Variants in MACF1 observed in about 807,000 individuals in gnomAD.
MACF1 encodes microtubule actin crosslinking factor 1.
Under a neutral mutation model 854.8 loss-of-function variants are expected in MACF1, and 193 were observed. That is an observed-to-expected ratio of 0.23 (90% confidence interval 0.20 to 0.25). The LOEUF (loss-of-function observed/expected upper bound fraction) is 0.25, where lower values mean the gene tolerates loss of function less well. Ranked by LOEUF, MACF1 falls within the 10% of genes least tolerant of loss-of-function variation. The pLI is 1.00. For missense variants in MACF1, 7,722 were observed against 8,929.1 expected (o/e 0.86, Z 5.45); for synonymous variants, 3,185 against 3,226.7 (o/e 0.99, Z 0.44).
At chr1:39,464,979 TCACTTTGCCAGAAA>T in intron 94 of MACF1, 102 bp from the exon 95 acceptor site, 1 of 918,344 alleles carries the variant, frequency 1.1e-6, no homozygotes, top group Non-Finnish European at 1.8e-6. Flanking sequence ...TCAGTGTGTG[TCACTTTGCCAGAAA>T]AATGTAATGA....
chr1:39,213,956 G>A (rs1644546493), intron 1 of MACF1, among the ~76,000 whole-genome samples: 1 of 152,210 alleles, frequency 6.6e-6, no homozygotes, highest in African/African-American at 2.4e-5. Context: ...TGGGAGTGAA[G>A]TTGTCAAGCA....
intron 58 of MACF1, chr1:39,414,202 G>C: frequency 6.2e-7 from 1 of 1,613,746 alleles, no homozygotes; most frequent in East Asian, 2.2e-5. Flanking sequence ...TGCTGCTTCA[G>C]TGCCCACCCC....
rs150524232 is a variant in MACF1 at position 39,385,460 on chromosome 1, C to T, written c.13875C>T (p.Arg4625=). 1.3e-4 allele frequency: 210 copies of T among 1,613,896 alleles called. No individual in the cohort carries two copies. Among genetic ancestry groups the T allele is most frequent in the Non-Finnish European group, 1.7e-4 (201 of 1,179,928 alleles). Residue 4625 remains arginine, a synonymous_variant, in exon 57 of 101, where the codon CGC becomes CGT. Coordinates refer to ENST00000564288, the MANE Select transcript of MACF1 (RefSeq NM_001394062.1). ...VQFMLKEFEA[R]RQQHEQLNEA... ...TTATGCTAAAGGAATTTGAAGCACG[C>T]AGGCAACAGCATGAGCAACTGAATG...
chr1:39,360,849 C>T lies in MACF1; in HGVS notation c.12301C>T (p.Leu4101=), dbSNP rs138390862. ...LSYSLAERSS[L]LQKAIAQSQS... ...CTATAGCCTGGCTGAGCGATCTTCT[C>T]TGCTGCAGAAAGCAATTGCCCAATC... The change falls in exon 48 of 101, where the codon CTG becomes TTG. Residue 4101 remains leucine, a synonymous_variant. Coordinates refer to ENST00000564288, the MANE Select transcript of MACF1 (RefSeq NM_001394062.1). 1.7e-5 allele frequency: 27 copies of T among 1,614,068 alleles called. No individual in the cohort carries two copies. The African/African-American group carries it at 3.3e-4, about 20-fold the overall frequency.
At chr1:39,191,174 A>T (rs905538838) in intron 2 of MACF1, among the ~76,000 whole-genome samples, 2 of 148,034 alleles carry the variant, frequency 1.4e-5, no homozygotes, top group Admixed American at 6.9e-5. Context: ...ACTGGATATG[A>T]TGTATTTGGG....
In MACF1 at chr1:39,333,174, AGC is replaced by A. The variant is rs1309890861; in HGVS notation, c.6587_6588del (p.Ser2196LysfsTer20). ...TGGAGGATCTCACATAAAACCCCAA[AGC>A]AAAAAGTTACAAGTTCAGGTAAAGA... The part of the protein sequence containing the change: ...ETGGSHIKPQ[S>X]KKLQVQVKKT... On this transcript the variant is annotated frameshift_variant, in exon 37 of 101. Transcript: ENST00000564288. LOFTEE classifies it high-confidence loss of function. 1 of 1,613,248 alleles carries A rather than the reference AGC, an allele frequency of 6.2e-7. No homozygotes were observed. Among genetic ancestry groups the A allele is most frequent in the Non-Finnish European group, 8.5e-7 (1 of 1,179,908 alleles).
In MACF1 at chr1:39,336,025, A is replaced by G. The variant is rs779222353; in HGVS notation, c.9437A>G (p.Tyr3146Cys). The change falls in exon 37 of 101, where the codon TAT becomes TGT. Residue 3146 changes from tyrosine (Y) to cysteine (C), a missense_variant. Tyr to Cys is a radical substitution (Grantham distance 194). Transcript: ENST00000564288. ...FQGTTRQETN[Y>C]QDSWVTSKTK... ...GGAACCACCAGACAGGAGACCAACT[A>G]TCAAGATTCCTGGGTTACTTCGAAA... 5 of 1,614,180 alleles carry G rather than the reference A, an allele frequency of 3.1e-6. No homozygotes were observed. The South Asian group carries it at 4.4e-5, about 14-fold the overall frequency.
In MACF1 at chr1:39,244,627, A is replaced by C. The variant is rs1644962476; in HGVS notation, c.172-5387A>C. 3.4e-5 allele frequency among the ~76,000 whole-genome samples: 5 copies of C among 147,350 alleles called. No homozygotes were observed. In the South Asian group the frequency reaches 1.1e-3, roughly 32 times the overall value. On this transcript the variant is annotated intron_variant, in intron 2 of 100. Coordinates refer to ENST00000564288, the MANE Select transcript of MACF1 (RefSeq NM_001394062.1). ...GAGTCTCGCTCTGTTGCCCAGGCTGAAGTGCAGTGGCGCCATCTTGGCTCA... is the reference window on the plus strand; with the variant it reads ...GAGTCTCGCTCTGTTGCCCAGGCTGCAGTGCAGTGGCGCCATCTTGGCTCA...
At position 39,333,067 on chromosome 1, in the gene MACF1, A is replaced by G. The variant is rs773779229; in HGVS notation, c.6479A>G (p.His2160Arg). ...VFSVETPKKE[H>R]QPLRNTSFTC... ...TCTGTTGAAACACCAAAGAAAGAAC[A>G]TCAACCTCTAAGAAACACTTCCTTT... Residue 2160 changes from histidine to arginine, a missense_variant, in exon 37 of 101, where the codon CAT becomes CGT. Physicochemically the swap from His to Arg is conservative, Grantham distance 29. Coordinates refer to ENST00000564288, the MANE Select transcript of MACF1 (RefSeq NM_001394062.1). 8.1e-6 allele frequency: 13 copies of G among 1,614,050 alleles called. No homozygotes were observed.
intron 41 of MACF1, among the ~76,000 whole-genome samples, chr1:39,347,842 A>AAAAC (rs139820494): frequency 3.9e-4 from 60 of 152,194 alleles, no homozygotes; most frequent in Middle Eastern, 3.4e-3. Context: ...GGATGATACT[A>AAAAC]AAACAAACAA....
chr1:39,411,651 C>G, intron 58 of MACF1: 1 of 1,613,908 alleles, frequency 6.2e-7, no homozygotes, highest in Admixed American at 1.7e-5. Flanking sequence ...CTGACACAGA[C>G]TCAGTGCAGA....
intron 58 of MACF1, among the ~76,000 whole-genome samples, chr1:39,408,987 G>T (rs906056003): frequency 4.7e-5 from 7 of 150,444 alleles, no homozygotes; most frequent in Non-Finnish European, 8.9e-5. Flanking sequence ...TCCGCGTCGC[G>T]CGCTCCCTGG....
chr1:39,298,645 A>T (rs1645974843), intron 21 of MACF1: 1 of 429,540 alleles, frequency 2.3e-6, no homozygotes, highest in Non-Finnish European at 4.6e-6. Flanking sequence ...TTTTATTTTT[A>T]TTTTTTTACA....
chr1:39,161,077 T>A (rs1044991567), intron 2 of MACF1, among the ~76,000 whole-genome samples: 2 of 152,212 alleles, frequency 1.3e-5, no homozygotes, highest in Non-Finnish European at 2.9e-5. Context: ...GAATTTTTGG[T>A]GTTTTGATCC....
intron 2 of MACF1, among the ~76,000 whole-genome samples, chr1:39,140,914 CAAAAAAAAAAAAAA>C (rs34687844): frequency 6.2e-5 from 3 of 48,270 alleles, no homozygotes; most frequent in Non-Finnish European, 1.0e-4. Context: ...GACTCTGTCT[CAAAAAAAAAAAAAA>C]AAAAAAAAAA....
chr1:39,286,356 A>G (rs745322263), intron 14 of MACF1, among the ~76,000 whole-genome samples: 1 of 152,096 alleles, frequency 6.6e-6, no homozygotes, highest in African/African-American at 2.4e-5. Context: ...TTGGGACACA[A>G]CACAACTTCT....
intron 6 of MACF1, among the ~76,000 whole-genome samples, chr1:39,280,873 C>T (rs1320444534): frequency 6.6e-6 from 1 of 152,192 alleles, no homozygotes; most frequent in Non-Finnish European, 1.5e-5. Context: ...CCACTGCACA[C>T]AGCCCAAAAT....
chr1:39,092,414 A>G (rs1261617540), intron 2 of MACF1, among the ~76,000 whole-genome samples: 1 of 152,204 alleles, frequency 6.6e-6, no homozygotes, highest in Non-Finnish European at 1.5e-5. Flanking sequence ...TACATACATC[A>G]TTTAATCCTC....
At position 39,430,881 on chromosome 1, in the gene MACF1, T is replaced by G. The variant is rs2148650845; in HGVS notation, c.17310T>G (p.Ile5770Met). 3 of 1,612,482 alleles carry G rather than the reference T, an allele frequency of 1.9e-6. No individual in the cohort carries two copies. The South Asian group carries it at 3.3e-5, about 18-fold the overall frequency. Reference sequence around the variant, plus strand: ...CTATTGGACAAAGGGTGGATGAAATTGATGCTGCTATTCAGAGATCACAAC... The same window carrying G: ...CTATTGGACAAAGGGTGGATGAAATGGATGCTGCTATTCAGAGATCACAAC... ...SDTIGQRVDEIDAAIQRSQQY... is the reference protein window; with the variant it reads ...SDTIGQRVDEMDAAIQRSQQY... Residue 5770 changes from isoleucine (I) to methionine (M), a missense_variant, in exon 66 of 101, where the codon ATT becomes ATG. This residue lies in a region of MACF1 where 2,807 missense variants were observed against 3,235.8 expected (regional missense o/e 0.87). Transcript: ENST00000564288.
Sources: allele counts gnomAD v4.1 joint callset (sites outside exome capture counted in the v4.1 genomes callset), GRCh38; gene constraint gnomAD v4.1.1; regional missense constraint gnomAD v4.1.1; transcripts MANE v1.5; gene names NCBI Gene and HGNC (gene_info 2026-07-23, HGNC 2026-07-21).